GFOD2: variants seen among roughly 807,000 people sequenced by gnomAD.
The protein encoded by GFOD2 is glucose-fructose oxidoreductase domain-containing protein 2.
Under a neutral mutation model 24.6 loss-of-function variants are expected in GFOD2, and 9 were observed. The observed-to-expected ratio is 0.37, with a 90% confidence interval of 0.22 to 0.64. The LOEUF is 0.64. Among genes scored for constraint, GFOD2 ranks in the 30% least tolerant of loss-of-function variants. The pLI, the probability that GFOD2 is intolerant of heterozygous loss-of-function variation, is 0.65. For synonymous variants in GFOD2, 211 were observed against 224.8 expected, an observed-to-expected ratio of 0.94 and a Z score of 0.55; for missense variants, 476 against 532.5, an observed-to-expected ratio of 0.89 and a Z score of 1.04.
At chr16:67,702,592 A>ATTTT (rs561204882) in intron 1 of GFOD2, among the ~76,000 whole-genome samples, 35 of 104,710 alleles carry the variant, frequency 3.3e-4, no homozygotes, top group Non-Finnish European at 4.6e-4. Context: ...GGTAGCCAGG[A>ATTTT]TTTTTTTTTT....
At chr16:67,678,597 A>G (rs1031687451) in intron 2 of GFOD2, among the ~76,000 whole-genome samples, 1 of 152,130 alleles carries the variant, frequency 6.6e-6, no homozygotes, top group Admixed American at 6.5e-5. Flanking sequence ...CAAGCTTTGG[A>G]GCCAGAAATT....
intron 2 of GFOD2, chr16:67,680,880 A>G (rs1249408502): frequency 1.0e-6 from 1 of 985,306 alleles, no homozygotes; most frequent in Non-Finnish European, 1.2e-6. Context: ...TGACACTTCA[A>G]TCTCCTGCTC....
chr16:67,677,684 G>C (rs2053193359), intron 2 of GFOD2: 2 of 152,416 alleles, frequency 1.3e-5, no homozygotes, highest in Middle Eastern at 6.8e-3. Context: ...TAGGAAACGA[G>C]ACTGAAAGCA....
intron 2 of GFOD2, chr16:67,683,453 A>G: frequency 8.1e-7 from 1 of 1,230,952 alleles, no homozygotes. Context: ...TTCCCCTTGA[A>G]CCAACTTGCT....
chr16:67,690,411 T>G (rs2053303255), intron 1 of GFOD2, among the ~76,000 whole-genome samples: 2 of 151,948 alleles, frequency 1.3e-5, no homozygotes, highest in Non-Finnish European at 2.9e-5. Context: ...TTTTTTTTTT[T>G]TTTGAGACAG....
intron 1 of GFOD2, among the ~76,000 whole-genome samples, chr16:67,695,064 C>T (rs961571314): frequency 6.8e-6 from 1 of 147,652 alleles, no homozygotes; most frequent in Non-Finnish European, 1.5e-5. Context: ...GCAATCTCGG[C>T]TCACTGCAAC....
intron 1 of GFOD2, among the ~76,000 whole-genome samples, chr16:67,700,873 A>G (rs1283816632): frequency 1.5e-5 from 2 of 137,126 alleles, no homozygotes; most frequent in African/African-American, 2.7e-5. Context: ...TTCCTACTAG[A>G]AAAAAAAAAA....
intron 1 of GFOD2, among the ~76,000 whole-genome samples, chr16:67,686,222 T>C (rs1467928529): frequency 6.6e-6 from 1 of 152,154 alleles, no homozygotes; most frequent in Non-Finnish European, 1.5e-5. Context: ...AGTTCACAAC[T>C]ATAGTAAGCT....
At chr16:67,688,820 C>T (rs1189430687) in intron 1 of GFOD2, among the ~76,000 whole-genome samples, 3 of 150,812 alleles carry the variant, frequency 2.0e-5, no homozygotes, top group Admixed American at 1.3e-4. Context: ...CTGCAAGCTC[C>T]GCCTCCCGGG....
At position 67,701,000 on chromosome 16, in the gene GFOD2, G is replaced by T. The variant is rs2053398931; in HGVS notation, c.-87-15198C>A. On this transcript the variant is annotated intron_variant, in intron 1 of 2. Transcript: ENST00000268797. The stretch of plus-strand genomic sequence containing the variant: ...TGTAGTGAGCCGAGATTGTGCCACT[G>T]CTCTCCAGCCTGGGTGACAGAGTGA... Among the ~76,000 whole-genome samples, 2 of 147,918 alleles carry T rather than the reference G, an allele frequency of 1.4e-5. 1 individual carries two copies. Among genetic ancestry groups the T allele is most frequent in the South Asian group, 4.2e-4 (2 of 4,734 alleles).
At chr16:67,679,844 G>A (rs1417495405) in intron 2 of GFOD2, among the ~76,000 whole-genome samples, 1 of 151,482 alleles carries the variant, frequency 6.6e-6, no homozygotes, top group Non-Finnish European at 1.5e-5. Flanking sequence ...CTGAGATAGT[G>A]CCATTGCCCT....
intron 1 of GFOD2, among the ~76,000 whole-genome samples, chr16:67,708,716 C>G (rs1013133980): frequency 6.6e-6 from 1 of 152,146 alleles, no homozygotes; most frequent in African/African-American, 2.4e-5. Context: ...AAGGGCCACT[C>G]ACCATGAGAC....
At chr16:67,707,170 C>G (rs143610200) in intron 1 of GFOD2, among the ~76,000 whole-genome samples, 101 of 151,594 alleles carry the variant, frequency 6.7e-4, no homozygotes, top group African/African-American at 2.2e-3. Context: ...ACCATCCTGG[C>G]CAACATGGTG....
Position 67,675,630 on chromosome 16 carries a change from A to G in GFOD2, c.683T>C (p.Leu228Pro), listed in dbSNP as rs1208436094. ...TSDDFCFFQMLMGGGVCSTVT... is the reference protein window; with the variant it reads ...TSDDFCFFQMPMGGGVCSTVT... Reference sequence around the variant, plus strand: ...TGTGCTACACACACCCCCACCCATGAGCATCTGGAAGAAACAGAAGTCATC... The same window carrying G: ...TGTGCTACACACACCCCCACCCATGGGCATCTGGAAGAAACAGAAGTCATC... The change falls in exon 3 of 3, where the codon CTC becomes CCC. Residue 228 changes from leucine (L) to proline (P), a missense_variant. Physicochemically the swap from Leu to Pro is moderately conservative, Grantham distance 98 (BLOSUM62 -3). Transcript: ENST00000268797. 1.2e-6 allele frequency: 2 copies of G among 1,613,094 alleles called. No homozygotes were observed. The highest frequency in any genetic ancestry group is 1.7e-6 in the Non-Finnish European group (2 of 1,180,046).
Position 67,675,306 on chromosome 16 carries a change from G to T in GFOD2, c.1007C>A (p.Ala336Asp), listed in dbSNP as rs2053175105. The T allele has an allele frequency of 6.2e-7, 1 of 1,612,858 alleles. No homozygotes were observed. The highest frequency in any genetic ancestry group is 1.3e-5 in the African/African-American group (1 of 74,942). Residue 336 changes from alanine to aspartate, a missense_variant, in exon 3 of 3, where the codon GCC becomes GAC. Coordinates refer to ENST00000268797, the MANE Select transcript of GFOD2 (RefSeq NM_030819.4). ...CATGTACAGCCCATCCTCGAAGGAG[G>T]CGGCCATGGAGACAGGGGTGCGGTC... The part of the protein sequence containing the change: ...TWDRTPVSMA[A>D]SFEDGLYMQS...
In GFOD2 at chr16:67,685,574, T is replaced by C; in HGVS notation, c.142A>G (p.Met48Val). Reference protein sequence around the residue: ...EEEAKQLAEEMNIAFYTSRTD... With the variant: ...EEEAKQLAEEVNIAFYTSRTD... ...CGGCTGGTGTAGAAGGCGATGTTCATCTCCTCAGCAAGCTGCTTCGCCTCC... is the reference window on the plus strand; with the variant it reads ...CGGCTGGTGTAGAAGGCGATGTTCACCTCCTCAGCAAGCTGCTTCGCCTCC... Residue 48 changes from methionine to valine, a missense_variant, in exon 2 of 3, where the codon ATG becomes GTG. Met to Val is a conservative substitution (Grantham distance 21, BLOSUM62 1). Coordinates refer to ENST00000268797, the MANE Select transcript of GFOD2 (RefSeq NM_030819.4). 2 of 1,614,034 alleles carry C rather than the reference T, an allele frequency of 1.2e-6. No homozygotes were observed. The highest frequency in any genetic ancestry group is 1.7e-6 in the Non-Finnish European group (2 of 1,179,984).
chr16:67,678,929 A>C (rs1272508009), intron 2 of GFOD2, among the ~76,000 whole-genome samples: 1 of 152,214 alleles, frequency 6.6e-6, no homozygotes, highest in East Asian at 1.9e-4. Context: ...GCACTTTGGG[A>C]GGCCAAGGTG....
intron 1 of GFOD2, among the ~76,000 whole-genome samples, chr16:67,701,601 G>A (rs1188313076): frequency 6.6e-6 from 1 of 152,168 alleles, no homozygotes; most frequent in Non-Finnish European, 1.5e-5. Flanking sequence ...TGGAACTGGG[G>A]CTAAGTGTAG....
intron 2 of GFOD2, chr16:67,685,133 C>T: frequency 7.5e-7 from 1 of 1,340,496 alleles, no homozygotes. Context: ...ACAACCAATT[C>T]CCCGCCACCC....
Sources: gnomAD v4.1 joint callset for allele counts (sites outside exome capture counted in the v4.1 genomes callset) on GRCh38, gnomAD v4.1.1 for gene constraint, MANE v1.5 for transcripts, NCBI Gene and HGNC (gene_info 2026-07-23, HGNC 2026-07-21) for gene names.